The following DLGAP1 variants were observed in gnomAD, a reference collection of about 807,000 sequenced individuals.
DLGAP1 encodes the protein DLG associated protein 1, also known as disks large-associated protein 1.
In DLGAP1, 11 loss-of-function variants were observed where a neutral mutation model predicts 90.8. The ratio of observed to expected loss-of-function variants is 0.12; its 90% confidence interval spans 0.08 to 0.20. The LOEUF (loss-of-function observed/expected upper bound fraction) is 0.20, where lower values mean the gene tolerates loss of function less well. DLGAP1 is among the 10% of genes least tolerant of loss of function. The pLI is 1.00. For missense variants in DLGAP1, 1,050 were observed against 1,333.8 expected, an observed-to-expected ratio of 0.79 and a Z score of 3.31; for synonymous variants, 558 against 540.7, an observed-to-expected ratio of 1.03 and a Z score of -0.44.
At chr18:3,635,271 C>T (rs1305062775) in intron 7 of DLGAP1, among the ~76,000 whole-genome samples, 2 of 152,082 alleles carry the variant, frequency 1.3e-5, no homozygotes, top group Non-Finnish European at 2.9e-5. Context: ...GCTGGGACTA[C>T]AGGCGCCCGC....
chr18:3,558,349 C>G (rs1021009608), intron 9 of DLGAP1, among the ~76,000 whole-genome samples: 14 of 152,290 alleles, frequency 9.2e-5, no homozygotes, highest in African/African-American at 3.1e-4. Flanking sequence ...TCTCCTGCCT[C>G]AGCCTCCCGA....
At chr18:4,158,615 G>A (rs766670881) in intron 1 of DLGAP1, among the ~76,000 whole-genome samples, 10 of 152,100 alleles carry the variant, frequency 6.6e-5, no homozygotes, top group Non-Finnish European at 1.2e-4. Context: ...TCTCCTCAAC[G>A]TCTTCTCTCA....
chr18:4,121,844 A>G (rs1320770844), intron 2 of DLGAP1, among the ~76,000 whole-genome samples: 1 of 152,184 alleles, frequency 6.6e-6, no homozygotes, highest in South Asian at 2.1e-4. Flanking sequence ...ATGATGACCA[A>G]CATTTACTGA....
intron 5 of DLGAP1, chr18:3,769,978 TCAG>T (rs1186036513): frequency 1.3e-5 from 2 of 152,166 alleles, no homozygotes; most frequent in African/African-American, 4.8e-5. Context: ...AATCCCACCT[TCAG>T]ACAATGAATG....
At chr18:3,583,180 A>ACCTACCTACCTTCCTTCCTTCCTT (rs2055653774) in intron 7 of DLGAP1, among the ~76,000 whole-genome samples, 1 of 132,806 alleles carries the variant, frequency 7.5e-6, no homozygotes, top group Non-Finnish European at 1.6e-5. Flanking sequence ...CTACCTACCT[A>ACCTACCTACCTTCCTTCCTTCCTT]CCTACCTTCC....
intron 9 of DLGAP1, among the ~76,000 whole-genome samples, chr18:3,543,518 A>G (rs759029519): frequency 1.3e-5 from 2 of 152,226 alleles, no homozygotes; most frequent in Non-Finnish European, 2.9e-5. Flanking sequence ...GCCAGAGAGT[A>G]GTGCTAAATA....
intron 2 of DLGAP1, among the ~76,000 whole-genome samples, chr18:4,065,319 C>T (rs1456961064): frequency 1.3e-5 from 2 of 151,790 alleles, no homozygotes; most frequent in Non-Finnish European, 2.9e-5. Flanking sequence ...GTGTTCTGGC[C>T]AGGGAAATCA....
At chr18:3,568,966 A>T (rs192175185) in intron 8 of DLGAP1, among the ~76,000 whole-genome samples, 1 of 148,558 alleles carries the variant, frequency 6.7e-6, no homozygotes, top group Admixed American at 6.7e-5. Flanking sequence ...GATTACAGCC[A>T]TGAGCCACCA....
At chr18:4,248,951 C>T (rs1282322261) in intron 1 of DLGAP1, among the ~76,000 whole-genome samples, 1 of 152,242 alleles carries the variant, frequency 6.6e-6, no homozygotes, top group Non-Finnish European at 1.5e-5. Context: ...CGGCCTCCCG[C>T]CCATGTATGT....
At chr18:4,391,374 G>T (rs979730002) in intron 1 of DLGAP1, among the ~76,000 whole-genome samples, 1 of 152,046 alleles carries the variant, frequency 6.6e-6, no homozygotes, top group Admixed American at 6.6e-5. Context: ...ACCCACGGTG[G>T]GGTTTCTTAA....
At chr18:3,620,002 G>A (rs949786897) in intron 7 of DLGAP1, among the ~76,000 whole-genome samples, 1 of 151,918 alleles carries the variant, frequency 6.6e-6, no homozygotes, top group African/African-American at 2.4e-5. Context: ...GTTTAAGCAG[G>A]TGGTAGGATG....
chr18:4,193,284 C>T (rs1440146381), intron 1 of DLGAP1, among the ~76,000 whole-genome samples: 1 of 152,206 alleles, frequency 6.6e-6, no homozygotes, highest in Non-Finnish European at 1.5e-5. Context: ...TATTTGATCT[C>T]ATTTTTTATA....
At chr18:4,310,675 T>A in intron 1 of DLGAP1, among the ~76,000 whole-genome samples, 1 of 152,180 alleles carries the variant, frequency 6.6e-6, no homozygotes, top group Non-Finnish European at 1.5e-5. Context: ...TTGTATCCTG[T>A]GTTTAGTTGT....
At chr18:4,351,420 A>G (rs1693735343) in intron 1 of DLGAP1, among the ~76,000 whole-genome samples, 1 of 152,216 alleles carries the variant, frequency 6.6e-6, no homozygotes, top group Non-Finnish European at 1.5e-5. Context: ...GTAAGTTATT[A>G]GTAGCTCTGA....
chr18:4,276,038 G>C (rs1168913549), intron 1 of DLGAP1, among the ~76,000 whole-genome samples: 1 of 151,590 alleles, frequency 6.6e-6, no homozygotes, highest in Non-Finnish European at 1.5e-5. Context: ...AGGACTATAT[G>C]GGGTAGCAGG....
Position 4,093,965 on chromosome 18 carries a change from A to G in DLGAP1, c.-159+57215T>C, listed in dbSNP as rs192810059. On this transcript the variant is annotated intron_variant, in intron 2 of 12. Coordinates refer to ENST00000315677, the MANE Select transcript of DLGAP1 (RefSeq NM_004746.4). ...TTGCTTTTAAACTTCAATTTAATTT[A>G]AGACGCTCCACTTATTTAAATTTTT... 8.6e-3 allele frequency among the ~76,000 whole-genome samples: 1,315 copies of G among 152,280 alleles called. 22 individuals carry two copies. The highest frequency in any genetic ancestry group is 0.043 in the South Asian group (206 of 4,826).
intron 1 of DLGAP1, among the ~76,000 whole-genome samples, chr18:4,213,207 A>C (rs1325094731): frequency 6.6e-6 from 1 of 152,176 alleles, no homozygotes; most frequent in Non-Finnish European, 1.5e-5. Flanking sequence ...GTACCAAGGG[A>C]TTTCATCTTT....
intron 11 of DLGAP1, among the ~76,000 whole-genome samples, chr18:3,507,482 T>C (rs113052282): frequency 0.062 from 9,413 of 152,012 alleles, 350 homozygotes; most frequent in Admixed American, 0.082. Context: ...GATCGTGCCA[T>C]TGCACTCCAG....
chr18:3,600,773 T>C (rs751900633), intron 7 of DLGAP1, among the ~76,000 whole-genome samples: 1 of 57,408 alleles, frequency 1.7e-5, no homozygotes, highest in Non-Finnish European at 3.8e-5. Context: ...TAGATATATA[T>C]AGATATATAG....
Sources: gnomAD v4.1 joint callset for allele counts (sites outside exome capture counted in the v4.1 genomes callset) on GRCh38, gnomAD v4.1.1 for gene constraint, MANE v1.5 for transcripts, NCBI Gene and HGNC (gene_info 2026-07-23, HGNC 2026-07-21) for gene names.